The following NCOA2 variants were observed in gnomAD, a reference collection of about 807,000 sequenced individuals.
NCOA2 encodes nuclear receptor coactivator 2, also known as class E basic helix-loop-helix protein 75.
Under a neutral mutation model 145.1 loss-of-function variants are expected in NCOA2, and 21 were observed. That is an observed-to-expected ratio of 0.14 (90% CI 0.10 to 0.21). NCOA2 has a LOEUF of 0.21. Among genes scored for constraint, NCOA2 ranks in the 10% least tolerant of loss-of-function variants. The pLI is 1.00. For missense variants in NCOA2, 1,472 were observed against 1,837.6 expected (o/e 0.80, Z 3.64); for synonymous variants, 619 against 637.5 (o/e 0.97, Z 0.44).
At chr8:70,388,029 G>A (rs1313821103) in intron 1 of NCOA2, among the ~76,000 whole-genome samples, 1 of 152,180 alleles carries the variant, frequency 6.6e-6, no homozygotes, top group African/African-American at 2.4e-5. Context: ...ACATCATGGG[G>A]CAGATAAGCT....
At chr8:70,231,814 C>G (rs1161756197) in intron 2 of NCOA2, among the ~76,000 whole-genome samples, 1 of 152,060 alleles carries the variant, frequency 6.6e-6, no homozygotes, top group Non-Finnish European at 1.5e-5. Flanking sequence ...CTGAAAAAAC[C>G]CTCTCTCTAC....
At chr8:70,284,449 T>C (rs1321414911) in intron 2 of NCOA2, among the ~76,000 whole-genome samples, 1 of 152,158 alleles carries the variant, frequency 6.6e-6, no homozygotes, top group Non-Finnish European at 1.5e-5. Context: ...AAATAAATTT[T>C]GTAGTTGTTT....
At chr8:70,227,867 T>C (rs1820790318) in intron 2 of NCOA2, among the ~76,000 whole-genome samples, 1 of 151,824 alleles carries the variant, frequency 6.6e-6, no homozygotes, top group African/African-American at 2.4e-5. Context: ...CACAAAAAAA[T>C]TAGCCGGGCA....
chr8:70,381,786 T>C (rs1450855130), intron 1 of NCOA2, among the ~76,000 whole-genome samples: 1 of 152,192 alleles, frequency 6.6e-6, no homozygotes, highest in African/African-American at 2.4e-5. Flanking sequence ...GAAGCTCTCA[T>C]GTAAAATCTG....
the NCOA2 span, among the ~76,000 whole-genome samples, chr8:70,414,968 T>C: frequency 6.6e-6 from 1 of 152,120 alleles, no homozygotes; most frequent in Non-Finnish European, 1.5e-5. Flanking sequence ...TTTCTTTCCA[T>C]TTATTAATTC....
At chr8:70,272,451 G>A (rs1451266264) in intron 2 of NCOA2, among the ~76,000 whole-genome samples, 2 of 152,068 alleles carry the variant, frequency 1.3e-5, no homozygotes, top group African/African-American at 4.8e-5. Context: ...CATGTTTCTG[G>A]TTATACTATC....
chr8:70,387,704 G>A (rs1012368823), intron 1 of NCOA2, among the ~76,000 whole-genome samples: 1 of 150,710 alleles, frequency 6.6e-6, no homozygotes, highest in Non-Finnish European at 1.5e-5. Context: ...ATGGGGGATA[G>A]AGGGGGAGGG....
chr8:70,251,423 C>T lies in NCOA2; in HGVS notation c.-19-34659G>A, dbSNP rs150579162. 3.7e-3 allele frequency among the ~76,000 whole-genome samples: 563 copies of T among 152,342 alleles called. 3 individuals are homozygous for T. Among genetic ancestry groups the T allele is most frequent in the Middle Eastern group, 0.01 (3 of 294 alleles). ...TACAAATAGCATACTACATTTCCAT[C>T]TCAGCATTTGTACTTCATCCAAGGA... On this transcript the variant is annotated intron_variant, in intron 2 of 22. Coordinates refer to ENST00000452400, the MANE Select transcript of NCOA2 (RefSeq NM_006540.4).
the NCOA2 span, among the ~76,000 whole-genome samples, chr8:70,435,518 T>C: frequency 6.6e-6 from 1 of 150,532 alleles, no homozygotes; most frequent in Non-Finnish European, 1.5e-5. Context: ...TTTTTAGCTG[T>C]GTGACCTTGT....
chr8:70,389,303 G>A (rs1280495299), intron 1 of NCOA2, among the ~76,000 whole-genome samples: 1 of 150,400 alleles, frequency 6.6e-6, no homozygotes, highest in African/African-American at 2.5e-5. Context: ...TTTTTGAGAC[G>A]CAGTTTCGCT....
At chr8:70,430,645 A>G in the NCOA2 span, among the ~76,000 whole-genome samples, 4 of 152,286 alleles carry the variant, frequency 2.6e-5, no homozygotes, top group African/African-American at 9.6e-5. Context: ...ACGTTTAATA[A>G]TCTGTAAGGA....
chr8:70,174,932 T>C (rs546058783), intron 4 of NCOA2, 73 bp from the exon 5 acceptor site: 13 of 1,378,420 alleles, frequency 9.4e-6, no homozygotes, highest in Non-Finnish European at 1.3e-5. Flanking sequence ...ATGTTTTTAC[T>C]GTAATGATTT....
intron 4 of NCOA2, among the ~76,000 whole-genome samples, chr8:70,185,262 C>T (rs1197525971): frequency 6.6e-6 from 1 of 152,186 alleles, no homozygotes; most frequent in Non-Finnish European, 1.5e-5. Flanking sequence ...GGGAGGACCT[C>T]ACCAGTGTGG....
At chr8:70,114,279 G>T (rs1806840581) in intron 22 of NCOA2, among the ~76,000 whole-genome samples, 1 of 152,116 alleles carries the variant, frequency 6.6e-6, no homozygotes, top group African/African-American at 2.4e-5. Flanking sequence ...GCCCGCCTTG[G>T]CCTCTCAAAA....
At chr8:70,362,732 A>C (rs1563806275) in intron 1 of NCOA2, among the ~76,000 whole-genome samples, 1 of 152,186 alleles carries the variant, frequency 6.6e-6, no homozygotes, top group Non-Finnish European at 1.5e-5. Flanking sequence ...GCTACTTTGA[A>C]AACTATTTGG....
the NCOA2 span, among the ~76,000 whole-genome samples, chr8:70,443,008 T>C: frequency 6.6e-6 from 1 of 152,144 alleles, no homozygotes; most frequent in Non-Finnish European, 1.5e-5. Flanking sequence ...CAAGTCTTTT[T>C]CTAACAAAAA....
chr8:70,258,289 T>C (rs1459897777), intron 2 of NCOA2, among the ~76,000 whole-genome samples: 10 of 152,258 alleles, frequency 6.6e-5, no homozygotes, highest in African/African-American at 2.2e-4. Context: ...TCTTGTCTGC[T>C]GATGCAGTAT....
At chr8:70,409,364 C>A in the NCOA2 span, among the ~76,000 whole-genome samples, 1 of 152,070 alleles carries the variant, frequency 6.6e-6, no homozygotes, top group Admixed American at 6.5e-5. Context: ...ACAAACAGAT[C>A]AATGGAACAG....
intron 1 of NCOA2, among the ~76,000 whole-genome samples, chr8:70,339,117 T>C (rs1375142793): frequency 6.6e-6 from 1 of 152,110 alleles, no homozygotes; most frequent in Non-Finnish European, 1.5e-5. Context: ...ATAAAGGGTA[T>C]TCAAATAGGA....
Sources: allele counts gnomAD v4.1 joint callset (sites outside exome capture counted in the v4.1 genomes callset), GRCh38; gene constraint gnomAD v4.1.1; transcripts MANE v1.5; gene names NCBI Gene and HGNC (gene_info 2026-07-23, HGNC 2026-07-21).